Variants in KIF16B observed in about 807,000 individuals in gnomAD.
The protein encoded by KIF16B is kinesin family member 16B.
KIF16B carries 98 observed loss-of-function variants against 156.3 expected under a neutral mutation model. The ratio of observed to expected loss-of-function variants is 0.63; its 90% CI spans 0.53 to 0.74. The LOEUF (loss-of-function observed/expected upper bound fraction) is 0.74. Ranked by LOEUF, KIF16B falls within the 30% of genes least tolerant of loss-of-function variation. The pLI is 0.00. For synonymous variants in KIF16B, 564 were observed against 583.7 expected, an observed-to-expected ratio of 0.97 and a Z score of 0.49; for missense variants, 1,421 against 1,606.5, an observed-to-expected ratio of 0.88 and a Z score of 1.97.
intron 1 of KIF16B, among the ~76,000 whole-genome samples, chr20:16,542,467 G>A (rs2070240480): frequency 6.6e-6 from 1 of 152,214 alleles, no homozygotes; most frequent in African/African-American, 2.4e-5. Flanking sequence ...TTAGATTGTG[G>A]TAAATGCTAT....
At chr20:16,432,720 C>A (rs565399484) in intron 12 of KIF16B, among the ~76,000 whole-genome samples, 47 of 151,112 alleles carry the variant, frequency 3.1e-4, no homozygotes, top group African/African-American at 1.1e-3. Context: ...TGCGAGAGGG[C>A]GGTGAAATGA....
At chr20:16,563,710 C>A (rs2071151405) in intron 1 of KIF16B, among the ~76,000 whole-genome samples, 1 of 152,206 alleles carries the variant, frequency 6.6e-6, no homozygotes, top group African/African-American at 2.4e-5. Context: ...CATGCTCACA[C>A]AGTTTCCATG....
chr20:16,526,034 G>C, intron 3 of KIF16B, 58 bp downstream of exon 3: 3 of 937,326 alleles, frequency 3.2e-6, no homozygotes, highest in Middle Eastern at 2.3e-4. Context: ...TTTAGGGTAG[G>C]CATGTTTTTC....
chr20:16,455,073 G>A (rs1568554056), intron 12 of KIF16B, among the ~76,000 whole-genome samples: 2 of 152,162 alleles, frequency 1.3e-5, no homozygotes, highest in South Asian at 2.1e-4. Flanking sequence ...AATGTCTGTC[G>A]TTAACTGAAA....
chr20:16,365,703 C>G (rs999677737), intron 22 of KIF16B, among the ~76,000 whole-genome samples: 2 of 152,158 alleles, frequency 1.3e-5, no homozygotes, highest in Admixed American at 6.5e-5. Context: ...TGGTAAGTTT[C>G]TGTGTGTGTT....
chr20:16,399,017 A>T (rs1191233162), intron 17 of KIF16B, among the ~76,000 whole-genome samples: 1 of 152,160 alleles, frequency 6.6e-6, no homozygotes, highest in African/African-American at 2.4e-5. Context: ...TTGGCCTAAG[A>T]GGGGGAAAGT....
At chr20:16,347,748 C>G (rs1326854370) in intron 23 of KIF16B, among the ~76,000 whole-genome samples, 1 of 152,176 alleles carries the variant, frequency 6.6e-6, no homozygotes, top group East Asian at 1.9e-4. Flanking sequence ...TCTAGGTGGA[C>G]ATGGCATAAG....
chr20:16,433,400 C>G (rs1182751062), intron 12 of KIF16B, among the ~76,000 whole-genome samples: 2 of 152,150 alleles, frequency 1.3e-5, no homozygotes, highest in South Asian at 2.1e-4. Context: ...AGCTCCCACT[C>G]AAACTACAGA....
intron 12 of KIF16B, among the ~76,000 whole-genome samples, chr20:16,440,533 GCACACACACA>G (rs71192333): frequency 0.044 from 6,037 of 138,222 alleles, 166 homozygotes; most frequent in South Asian, 0.098. Context: ...ACAAGCGCGC[GCACACACACA>G]CACACACACA....
At chr20:16,307,523 T>G (rs980318745) in intron 25 of KIF16B, among the ~76,000 whole-genome samples, 3 of 152,166 alleles carry the variant, frequency 2.0e-5, no homozygotes, top group African/African-American at 4.8e-5. Context: ...TTGATACATG[T>G]AAAAAGTGAC....
At chr20:16,350,778 C>A (rs1379228615) in intron 23 of KIF16B, among the ~76,000 whole-genome samples, 1 of 151,910 alleles carries the variant, frequency 6.6e-6, no homozygotes, top group African/African-American at 2.4e-5. Flanking sequence ...TCAGTCATCA[C>A]CGAAGCGCCA....
intron 23 of KIF16B, among the ~76,000 whole-genome samples, chr20:16,338,636 C>T (rs2064084358): frequency 6.6e-6 from 1 of 152,180 alleles, no homozygotes; most frequent in Non-Finnish European, 1.5e-5. Context: ...ATTCTCTGGA[C>T]AAAAATAACT....
intron 12 of KIF16B, among the ~76,000 whole-genome samples, chr20:16,470,411 T>C (rs939474161): frequency 6.6e-6 from 1 of 152,100 alleles, no homozygotes; most frequent in Non-Finnish European, 1.5e-5. Flanking sequence ...ATGGCAACAA[T>C]GGGGGAGGTT....
chr20:16,470,797 T>G (rs539322209), intron 12 of KIF16B, among the ~76,000 whole-genome samples: 2 of 151,970 alleles, frequency 1.3e-5, no homozygotes, highest in East Asian at 3.9e-4. Flanking sequence ...GCACATGGCC[T>G]CAGCTCACTT....
At chr20:16,475,257 A>G (rs2067777119) in intron 12 of KIF16B, among the ~76,000 whole-genome samples, 1 of 152,252 alleles carries the variant, frequency 6.6e-6, no homozygotes, top group Non-Finnish European at 1.5e-5. Context: ...AAGCTTTCAC[A>G]AAGAACTCAT....
intron 1 of KIF16B, among the ~76,000 whole-genome samples, chr20:16,540,269 A>T (rs2070143258): frequency 6.6e-6 from 1 of 152,192 alleles, no homozygotes; most frequent in Admixed American, 6.5e-5. Flanking sequence ...TGAAAGGATA[A>T]ATAGCAAGCC....
At chr20:16,402,005 C>G (rs2065668348) in intron 17 of KIF16B, among the ~76,000 whole-genome samples, 1 of 152,120 alleles carries the variant, frequency 6.6e-6, no homozygotes, top group Non-Finnish European at 1.5e-5. Flanking sequence ...CTTCCAATTG[C>G]CAGCACGGCC....
intron 12 of KIF16B, among the ~76,000 whole-genome samples, chr20:16,469,874 G>T (rs891614610): frequency 5.3e-5 from 8 of 152,036 alleles, no homozygotes; most frequent in Non-Finnish European, 1.0e-4. Flanking sequence ...CCTAAACACG[G>T]ATGCGTACAG....
intron 23 of KIF16B, among the ~76,000 whole-genome samples, chr20:16,338,815 A>G (rs2064088284): frequency 6.6e-6 from 1 of 152,108 alleles, no homozygotes; most frequent in Non-Finnish European, 1.5e-5. Flanking sequence ...ACGTTTTCCA[A>G]TTCTGTGCAC....
Sources: gnomAD v4.1 joint callset for allele counts (sites outside exome capture counted in the v4.1 genomes callset) on GRCh38, gnomAD v4.1.1 for gene constraint, MANE v1.5 for transcripts, NCBI Gene and HGNC (gene_info 2026-07-23, HGNC 2026-07-21) for gene names.